Variants in ERICH6B observed in about 807,000 individuals in gnomAD.
ERICH6B encodes glutamate rich 6B.
ERICH6B carries 69 observed loss-of-function variants against 80.0 expected under a neutral mutation model. The ratio of observed to expected loss-of-function variants is 0.86; its 90% CI spans 0.71 to 1.05. The LOEUF is 1.05. Among genes scored for constraint, ERICH6B ranks in the 50% least tolerant of loss-of-function variants. The probability of loss-of-function intolerance (pLI) is 0.00; values close to 1 mark genes in which losing one functional copy is unlikely to be tolerated. For synonymous variants in ERICH6B, 283 were observed against 291.9 expected (o/e 0.97, Z 0.31); for missense variants, 754 against 796.1 (o/e 0.95, Z 0.64).
chr13:45,543,097 C>T (rs1873847529), intron 14 of ERICH6B, among the ~76,000 whole-genome samples: 1 of 152,214 alleles, frequency 6.6e-6, no homozygotes, highest in South Asian at 2.1e-4. Context: ...CCCCGGGACA[C>T]CTCTCTGGTG....
chr13:45,555,180 C>T lies in ERICH6B; in HGVS notation c.1408-4864G>A, dbSNP rs117273460. ...AGAACATGGAGTTATATAGCCTAATCGGAGCAATAAGCCAAGTAAGGTTTC... is the reference window on the plus strand; with the variant it reads ...AGAACATGGAGTTATATAGCCTAATTGGAGCAATAAGCCAAGTAAGGTTTC... On this transcript the variant is annotated intron_variant, in intron 11 of 14. Transcript: ENST00000298738. Among the ~76,000 whole-genome samples the T allele has an allele frequency of 6.9e-3, 1,057 of 152,228 alleles. 10 individuals carry two copies. Among genetic ancestry groups the T allele is most frequent in the Non-Finnish European group, 0.011 (743 of 68,012 alleles).
chr13:45,572,422 C>G (rs948260093), intron 8 of ERICH6B, among the ~76,000 whole-genome samples: 2 of 152,180 alleles, frequency 1.3e-5, no homozygotes, highest in African/African-American at 4.8e-5. Context: ...GGAGAAAGGA[C>G]TCAGTATTGT....
intron 5 of ERICH6B, among the ~76,000 whole-genome samples, chr13:45,583,883 T>C (rs1043727904): frequency 1.3e-5 from 2 of 152,200 alleles, no homozygotes; most frequent in African/African-American, 4.8e-5. Flanking sequence ...GGTATGTCTT[T>C]ATCAGCAGCA....
chr13:45,598,054 C>T (rs919000433), intron 2 of ERICH6B, among the ~76,000 whole-genome samples: 8 of 152,194 alleles, frequency 5.3e-5, no homozygotes, highest in African/African-American at 1.7e-4. Flanking sequence ...TTCTGTTGTG[C>T]TTAGAATATG....
chr13:45,615,029 T>G (rs998410121), intron 1 of ERICH6B, among the ~76,000 whole-genome samples: 1 of 152,236 alleles, frequency 6.6e-6, no homozygotes, highest in Non-Finnish European at 1.5e-5. Context: ...CCTAGGACCT[T>G]TTTTATAAAT....
intron 8 of ERICH6B, among the ~76,000 whole-genome samples, chr13:45,573,702 A>G (rs1875266941): frequency 6.6e-6 from 1 of 152,170 alleles, no homozygotes; most frequent in African/African-American, 2.4e-5. Flanking sequence ...AATGCTCCCA[A>G]ATCTGCCATG....
intron 7 of ERICH6B, among the ~76,000 whole-genome samples, chr13:45,579,011 C>T (rs116844971): frequency 0.011 from 1,698 of 152,268 alleles, 19 homozygotes; most frequent in Non-Finnish European, 0.016. Flanking sequence ...TCTCACGCCA[C>T]TGGGCAAGAG....
chr13:45,576,772 G>C (rs1421672589), intron 7 of ERICH6B, among the ~76,000 whole-genome samples: 1 of 152,108 alleles, frequency 6.6e-6, no homozygotes, highest in African/African-American at 2.4e-5. Flanking sequence ...TTTATTACGG[G>C]AATAAGGTGA....
chr13:45,580,717 C>T, intron 5 of ERICH6B, 52 bp from the exon 6 acceptor site: 4 of 1,532,198 alleles, frequency 2.6e-6, no homozygotes, highest in Non-Finnish European at 3.5e-6. Flanking sequence ...CTTACATTTT[C>T]CAGTGGGTTC....
intron 4 of ERICH6B, among the ~76,000 whole-genome samples, chr13:45,589,155 G>C (rs1341119777): frequency 6.6e-6 from 1 of 152,168 alleles, no homozygotes; most frequent in Non-Finnish European, 1.5e-5. Flanking sequence ...GGAAGGTTTG[G>C]GTTCTCAGCT....
At chr13:45,542,843 G>A (rs1227247965) in intron 14 of ERICH6B, among the ~76,000 whole-genome samples, 1 of 152,232 alleles carries the variant, frequency 6.6e-6, no homozygotes, top group Non-Finnish European at 1.5e-5. Flanking sequence ...GGCCAGGCCT[G>A]TGTGGAAATT....
intron 7 of ERICH6B, among the ~76,000 whole-genome samples, chr13:45,575,323 G>T (rs2137994390): frequency 6.6e-6 from 1 of 152,346 alleles, no homozygotes; most frequent in Middle Eastern, 3.4e-3. Flanking sequence ...GCCCTGAGGT[G>T]AGTGTGGGAG....
intron 8 of ERICH6B, among the ~76,000 whole-genome samples, chr13:45,568,740 TA>T (rs917318311): frequency 1.3e-5 from 2 of 152,110 alleles, no homozygotes; most frequent in African/African-American, 4.8e-5. Flanking sequence ...AAGTTGAAGA[TA>T]AAAAAACAAA....
At chr13:45,585,243 C>A (rs1473419297) in intron 5 of ERICH6B, among the ~76,000 whole-genome samples, 2 of 152,176 alleles carry the variant, frequency 1.3e-5, no homozygotes, top group African/African-American at 2.4e-5. Context: ...GCTTCCCTGA[C>A]CCTAGAAGGC....
At chr13:45,552,344 C>A (rs1874255114) in intron 11 of ERICH6B, among the ~76,000 whole-genome samples, 1 of 152,062 alleles carries the variant, frequency 6.6e-6, no homozygotes. Flanking sequence ...ACCCGTTGTT[C>A]CCCTGCTTCC....
Position 45,596,862 on chromosome 13 carries a change from T to C in ERICH6B, c.144A>G (p.Pro48=), listed in dbSNP as rs751393383. 1.7e-5 allele frequency: 27 copies of C among 1,551,818 alleles called. No homozygotes were observed. The highest frequency in any genetic ancestry group is 2.4e-5 in the Non-Finnish European group (27 of 1,147,024). ...LDEESLQDES[P]FSPEGESLED... ...CCAGAGACTCTCCCTCTGGAGAAAA[T>C]GGAGATTCATCCTGTAGACTTTCCT... is the stretch of plus-strand genomic sequence containing the variant. The change falls in exon 3 of 15, where the codon CCA becomes CCG. Residue 48 remains proline (P), a synonymous_variant. Transcript: ENST00000298738.
intron 4 of ERICH6B, among the ~76,000 whole-genome samples, chr13:45,590,313 TGGG>T (rs1876105599): frequency 6.6e-6 from 1 of 152,038 alleles, no homozygotes; most frequent in African/African-American, 2.4e-5. Flanking sequence ...CACCTTCCCT[TGGG>T]GGCATTCATT....
rs75087545 is a variant in ERICH6B at position 45,542,958 on chromosome 13, T to G, written c.1873-1278A>C. On this transcript the variant is annotated intron_variant, in intron 14 of 14. Coordinates refer to ENST00000298738, the MANE Select transcript of ERICH6B (RefSeq NM_182542.3). ...ACCTAGCACACTCCCTCCTCTCTTC[T>G]CAGATACTCTGCACACAGCTGCATC... 8.1e-3 allele frequency among the ~76,000 whole-genome samples: 1,234 copies of G among 152,304 alleles called. 18 individuals are homozygous for G. The highest frequency in any genetic ancestry group is 0.028 in the African/African-American group (1,146 of 41,552).
chr13:45,596,303 T>C (rs1420235951), intron 3 of ERICH6B, 66 bp downstream of exon 3: 1 of 1,476,816 alleles, frequency 6.8e-7, no homozygotes, highest in African/African-American at 1.4e-5. Context: ...CTCTTCTTCA[T>C]CCAACCTTCT....
Sources: allele counts gnomAD v4.1 joint callset (sites outside exome capture counted in the v4.1 genomes callset), GRCh38; gene constraint gnomAD v4.1.1; transcripts MANE v1.5; gene names NCBI Gene and HGNC (gene_info 2026-07-23, HGNC 2026-07-21).